The following CDKL3 variants were observed in gnomAD, a reference collection of about 807,000 sequenced individuals.
CDKL3 encodes cyclin dependent kinase like 3.
Under a neutral mutation model 69.3 loss-of-function variants are expected in CDKL3, and 65 were observed. That is an observed-to-expected ratio of 0.94 (90% CI 0.77 to 1.15). CDKL3 has a LOEUF of 1.15. Among genes scored for constraint, CDKL3 ranks in the 50% most tolerant of loss-of-function variants. The pLI is 0.00. For missense variants in CDKL3, 652 were observed against 689.2 expected, an observed-to-expected ratio of 0.95 and a Z score of 0.61; for synonymous variants, 202 against 221.6, an observed-to-expected ratio of 0.91 and a Z score of 0.79.
At chr5:134,347,535 A>C (rs541347823) in intron 4 of CDKL3, among the ~76,000 whole-genome samples, 2 of 152,162 alleles carry the variant, frequency 1.3e-5, no homozygotes, top group South Asian at 4.2e-4. Context: ...AAATAAAAAG[A>C]GCTCTATCCA....
intron 4 of CDKL3, among the ~76,000 whole-genome samples, chr5:134,345,283 AT>A (rs1479346053): frequency 6.6e-6 from 1 of 152,156 alleles, no homozygotes; most frequent in Non-Finnish European, 1.5e-5. Context: ...TTATATAAAA[AT>A]ATCTCAATAA....
At chr5:134,311,906 C>T (rs748771015) in intron 7 of CDKL3, among the ~76,000 whole-genome samples, 42 of 152,104 alleles carry the variant, frequency 2.8e-4, no homozygotes, top group Non-Finnish European at 6.0e-4. Flanking sequence ...GCAATCCTCC[C>T]ACCTGAGCCT....
chr5:134,346,566 G>A (rs770647165), intron 4 of CDKL3, among the ~76,000 whole-genome samples: 2 of 152,054 alleles, frequency 1.3e-5, no homozygotes, highest in Non-Finnish European at 1.5e-5. Flanking sequence ...GTGCGATCTC[G>A]GCTCACCGCA....
chr5:134,348,071 T>A (rs1752385715), intron 4 of CDKL3, among the ~76,000 whole-genome samples: 1 of 152,024 alleles, frequency 6.6e-6, no homozygotes, highest in Non-Finnish European at 1.5e-5. Flanking sequence ...GGAGGCACAT[T>A]TGGGTGACAA....
intron 4 of CDKL3, among the ~76,000 whole-genome samples, chr5:134,327,811 T>C (rs1051025036): frequency 3.3e-5 from 5 of 152,138 alleles, no homozygotes; most frequent in Admixed American, 1.3e-4. Flanking sequence ...CGAGTGGAGT[T>C]TAACAGCTAG....
intron 4 of CDKL3, among the ~76,000 whole-genome samples, chr5:134,328,066 G>A (rs1295601439): frequency 6.6e-6 from 1 of 152,138 alleles, no homozygotes. Context: ...AGTTCCCACA[G>A]GATGTTATCT....
intron 3 of CDKL3, among the ~76,000 whole-genome samples, chr5:134,359,142 G>C (rs1481013494): frequency 1.3e-5 from 2 of 151,900 alleles, no homozygotes; most frequent in Non-Finnish European, 2.9e-5. Flanking sequence ...GCCAGGTGTG[G>C]TGGTTGATTG....
chr5:134,360,857 C>T (rs1308509917), intron 2 of CDKL3, among the ~76,000 whole-genome samples: 1 of 152,150 alleles, frequency 6.6e-6, no homozygotes, highest in South Asian at 2.1e-4. Context: ...AGAAAGTAAA[C>T]CATAAGTTCT....
rs995064194 is a variant in CDKL3, at chr5:134,359,270, C to G, written c.360+627G>C. 1.3e-4 allele frequency among the ~76,000 whole-genome samples: 20 copies of G among 152,132 alleles called. 1 individual carries two copies. The highest frequency in any genetic ancestry group is 2.2e-4 in the Non-Finnish European group (15 of 68,000). On this transcript the variant is annotated intron_variant, in intron 3 of 12. Transcript: ENST00000265334. Reference sequence around the variant, plus strand: ...CCAAGATCATGCCATTGTACTCCAGCCTGGGCAACGAGAGCAAAACTCCAT... The same window carrying G: ...CCAAGATCATGCCATTGTACTCCAGGCTGGGCAACGAGAGCAAAACTCCAT...
chr5:134,366,797 ACT>A (rs1047383686), intron 1 of CDKL3, among the ~76,000 whole-genome samples, 178 bp downstream of exon 1: 2 of 152,078 alleles, frequency 1.3e-5, no homozygotes, highest in Admixed American at 6.6e-5. Flanking sequence ...GCCCATCAAC[ACT>A]GAGACTACCA....
At chr5:134,326,103 C>A (rs1425638504) in intron 4 of CDKL3, among the ~76,000 whole-genome samples, 2 of 152,058 alleles carry the variant, frequency 1.3e-5, no homozygotes, top group African/African-American at 4.8e-5. Context: ...ACTCTCTCCA[C>A]AGAATGCAAT....
chr5:134,302,090 T>C (rs1561497193), intron 12 of CDKL3: 1 of 452,644 alleles, frequency 2.2e-6, no homozygotes. Context: ...CAAATAAAAT[T>C]TGAGAATCTC....
intron 6 of CDKL3, among the ~76,000 whole-genome samples, chr5:134,313,512 G>C (rs1770148742): frequency 6.6e-6 from 1 of 152,206 alleles, no homozygotes; most frequent in Non-Finnish European, 1.5e-5. Flanking sequence ...CTGAGGCCCA[G>C]AGAGATCAAG....
intron 4 of CDKL3, among the ~76,000 whole-genome samples, chr5:134,337,266 T>C (rs1316311616): frequency 6.6e-6 from 1 of 152,180 alleles, no homozygotes; most frequent in East Asian, 1.9e-4. Flanking sequence ...ATGGCTTCCC[T>C]TCACTAGGAA....
intron 3 of CDKL3, among the ~76,000 whole-genome samples, chr5:134,353,181 G>C (rs1236912605): frequency 6.6e-6 from 1 of 152,038 alleles, no homozygotes; most frequent in Non-Finnish European, 1.5e-5. Context: ...TATTTCTCCT[G>C]GTTTCCACAA....
intron 12 of CDKL3, chr5:134,299,353 A>T (rs1765757018): frequency 3.0e-6 from 1 of 330,136 alleles, no homozygotes; most frequent in African/African-American, 2.2e-5. Context: ...TTCTGTAATT[A>T]TAAAGCCCTA....
chr5:134,363,456 G>A (rs1042857150), intron 2 of CDKL3, among the ~76,000 whole-genome samples: 2 of 141,990 alleles, frequency 1.4e-5, no homozygotes, highest in African/African-American at 5.3e-5. Context: ...ACCATGGCCG[G>A]CTTTTTTTTT....
intron 4 of CDKL3, among the ~76,000 whole-genome samples, chr5:134,337,471 ATTGGGCCATCTTGGTG>A (rs532185371): frequency 8.3e-4 from 127 of 152,262 alleles, no homozygotes; most frequent in Non-Finnish European, 1.8e-3. Flanking sequence ...AGATATTCCT[ATTGGGCCATCTTGGTG>A]TTTTCTCACC....
intron 3 of CDKL3, 69 bp downstream of exon 3, chr5:134,359,827 TA>T: frequency 1.0e-6 from 1 of 999,460 alleles, no homozygotes; most frequent in Non-Finnish European, 1.5e-6. Context: ...TTCATAAAAA[TA>T]AAACAATGTA....
Sources: allele counts gnomAD v4.1 joint callset (sites outside exome capture counted in the v4.1 genomes callset), GRCh38; gene constraint gnomAD v4.1.1; transcripts MANE v1.5; gene names NCBI Gene and HGNC (gene_info 2026-07-23, HGNC 2026-07-21).